Variants in DEAF1 observed in about 807,000 individuals in gnomAD.
The protein encoded by DEAF1 is DEAF1 transcription factor.
A neutral mutation model predicts 58.9 loss-of-function variants in DEAF1; 53 were observed. The observed-to-expected ratio is 0.90, with a 90% CI of 0.72 to 1.13. DEAF1 has a LOEUF of 1.13. Ranked by LOEUF, DEAF1 falls within the 50% of genes most tolerant of loss-of-function variation. The probability of loss-of-function intolerance (pLI) is 0.00; values close to 1 mark genes in which losing one functional copy is unlikely to be tolerated. For synonymous variants in DEAF1, 385 were observed against 340.4 expected (o/e 1.13, Z -1.44); for missense variants, 685 against 791.4 (o/e 0.87, Z 1.61).
intron 2 of DEAF1, 70 bp downstream of exon 2, chr11:691,431 G>T: frequency 7.0e-7 from 1 of 1,435,074 alleles, no homozygotes; most frequent in Non-Finnish European, 9.7e-7. Flanking sequence ...CCCCGGGAGA[G>T]CCTCGGGGAA....
chr11:674,733 C>A lies in DEAF1; in HGVS notation c.1306G>T (p.Ala436Ser). 6.2e-7 allele frequency: 1 copy of A among 1,613,822 alleles called. No homozygotes were observed. Among genetic ancestry groups the A allele is most frequent in the South Asian group, 1.1e-5 (1 of 91,086 alleles). ...CCATTGACCAACGCGGGAGGTGCCG[C>A]TTTGGTGGGAGTCGGGGGTGGGACC... ...LAVPPPTPTKAAPPALVNGLE... is the reference protein window; with the variant it reads ...LAVPPPTPTKSAPPALVNGLE... The change falls in exon 10 of 12, where the codon GCG becomes TCG. Residue 436 changes from alanine (A) to serine (S), a missense_variant. By Grantham distance (99) the Ala-to-Ser change is moderately conservative. This residue lies in a region of DEAF1 where 343 missense variants were observed against 379.8 expected (regional missense o/e 0.90). Coordinates refer to ENST00000382409, the MANE Select transcript of DEAF1 (RefSeq NM_021008.4).
intron 10 of DEAF1, among the ~76,000 whole-genome samples, chr11:669,560 T>G (rs1009241212): frequency 6.6e-6 from 1 of 151,028 alleles, no homozygotes; most frequent in Non-Finnish European, 1.5e-5. Flanking sequence ...CTCTTGAACC[T>G]GGGAGGTGGA....
At position 700,594 on chromosome 11, in the gene DEAF1, G is replaced by T. The variant is rs201434519; in HGVS notation, c.-438+5978C>A. 1.1e-5 allele frequency: 17 copies of T among 1,603,500 alleles called. No individual in the cohort carries two copies. In the South Asian group the frequency reaches 1.9e-4, roughly 18 times the overall value. ...TGCTGTGCCAGGTTACTTATGTTCCGTCCGCGCCTCTGCTCTTCAGGTCAG... is the reference window on the plus strand; with the variant it reads ...TGCTGTGCCAGGTTACTTATGTTCCTTCCGCGCCTCTGCTCTTCAGGTCAG... On this transcript the variant is annotated intron_variant, in intron 1 of 11. Transcript: ENST00000683307.
chr11:666,783 G>A (rs542891297), intron 10 of DEAF1, among the ~76,000 whole-genome samples: 1 of 147,544 alleles, frequency 6.8e-6, no homozygotes, highest in East Asian at 2.0e-4. Context: ...GAAGGCTGAG[G>A]CAAGAGATCG....
chr11:697,648 G>A (rs1262242826), upstream of DEAF1: 1 of 152,190 alleles, frequency 6.6e-6, no homozygotes, highest in African/African-American at 2.4e-5. Flanking sequence ...GAACAGAAGG[G>A]ACAAAAACCC....
upstream of DEAF1, chr11:698,125 A>C (rs1861282493): frequency 6.6e-6 from 1 of 152,484 alleles, no homozygotes; most frequent in Non-Finnish European, 1.5e-5. Context: ...AGGTATCTAC[A>C]CATGGAGGGA....
chr11:674,485 G>A (rs762252862), intron 10 of DEAF1, 51 bp downstream of exon 10: 2 of 1,612,522 alleles, frequency 1.2e-6, no homozygotes, highest in South Asian at 2.2e-5. Context: ...CACCAGGGTG[G>A]CCTGGGGTTA....
intron 1 of DEAF1, among the ~76,000 whole-genome samples, chr11:701,441 C>G (rs568235619): frequency 1.5e-5 from 2 of 129,664 alleles, no homozygotes; most frequent in African/African-American, 2.9e-5. Flanking sequence ...GACAGAGTCT[C>G]GCTCTGTCGC....
chr11:679,370 A>G (rs890485329), intron 8 of DEAF1, among the ~76,000 whole-genome samples: 5 of 151,994 alleles, frequency 3.3e-5, no homozygotes, highest in African/African-American at 1.2e-4. Flanking sequence ...CTTCTAGAAT[A>G]TTCTCCAGCA....
In DEAF1 at chr11:650,715, G is replaced by A. The variant is rs945785323; in HGVS notation, c.1593+3247C>T. Among the ~76,000 whole-genome samples, 4 of 151,818 alleles carry A rather than the reference G, an allele frequency of 2.6e-5. No homozygotes were observed. In the East Asian group the frequency reaches 8.0e-4, roughly 30 times the overall value. On this transcript the variant is annotated intron_variant, in intron 11 of 11. Transcript: ENST00000382409. ...TGCCTGTCATCCCAGCACTTTGGGA[G>A]GCCAAGCGGGGGTGGAACACTTGAG...
chr11:690,346 GAGGGGAGGGCAGGGGAGGGGAGGGC>G (rs1860783122), intron 2 of DEAF1, among the ~76,000 whole-genome samples: 1 of 41,128 alleles, frequency 2.4e-5, no homozygotes, highest in Non-Finnish European at 4.2e-5. Flanking sequence ...GAGGGCAGGG[GAGGGGAGGGCAGGGGAGGGGAGGGC>G]AGGGGAGGGG....
chr11:669,346 T>C (rs1304517788), intron 10 of DEAF1, among the ~76,000 whole-genome samples: 2 of 152,064 alleles, frequency 1.3e-5, no homozygotes, highest in Non-Finnish European at 2.9e-5. Flanking sequence ...GTAGGAAATC[T>C]AGAAAATCAA....
chr11:673,287 G>A (rs980393209), intron 10 of DEAF1, among the ~76,000 whole-genome samples: 2 of 152,218 alleles, frequency 1.3e-5, no homozygotes, highest in Non-Finnish European at 2.9e-5. Context: ...AGTACTTTAA[G>A]AGGCTGAGGC....
At chr11:650,022 AAAAAAC>A (rs150492580) in intron 11 of DEAF1, among the ~76,000 whole-genome samples, 16,998 of 150,400 alleles carry the variant, frequency 0.11, 1,219 homozygotes, top group East Asian at 0.31. Flanking sequence ...GAGATTGTCT[AAAAAAC>A]AAAAACAAAA....
At chr11:666,793 G>A (rs559427579) in intron 10 of DEAF1, among the ~76,000 whole-genome samples, 3 of 144,392 alleles carry the variant, frequency 2.1e-5, no homozygotes, top group Non-Finnish European at 3.0e-5. Context: ...GCAAGAGATC[G>A]CTTGAACCTG....
At chr11:658,445 A>C (rs1200257082) in intron 10 of DEAF1, among the ~76,000 whole-genome samples, 1 of 152,160 alleles carries the variant, frequency 6.6e-6, no homozygotes. Context: ...AAAAACAAAA[A>C]ACCATTCATT....
chr11:699,242 A>C (rs952036547), upstream of DEAF1: 1 of 337,034 alleles, frequency 3.0e-6, no homozygotes, highest in Admixed American at 4.3e-5. Context: ...ATGTTTTTTT[A>C]AGGACAGAGC....
upstream of DEAF1, among the ~76,000 whole-genome samples, chr11:696,440 A>T (rs990798941): frequency 3.9e-5 from 6 of 152,218 alleles, no homozygotes; most frequent in Non-Finnish European, 7.3e-5. Flanking sequence ...TAGGCAGGAC[A>T]GCCTCTAGTA....
chr11:658,120 G>T (rs1230196954), intron 10 of DEAF1, among the ~76,000 whole-genome samples: 3 of 152,116 alleles, frequency 2.0e-5, no homozygotes, highest in Non-Finnish European at 4.4e-5. Flanking sequence ...CCCGAAATAC[G>T]TTTATTTTTT....
Sources: allele counts gnomAD v4.1 joint callset (sites outside exome capture counted in the v4.1 genomes callset), GRCh38; gene constraint gnomAD v4.1.1; regional missense constraint gnomAD v4.1.1; transcripts MANE v1.5; gene names NCBI Gene and HGNC (gene_info 2026-07-23, HGNC 2026-07-21).